Variants in DGKG observed in about 807,000 individuals in gnomAD.
The protein encoded by DGKG is diacylglycerol kinase gamma.
A neutral mutation model predicts 105.3 loss-of-function variants in DGKG; 78 were observed. The observed-to-expected ratio is 0.74, with a 90% CI of 0.62 to 0.89. The LOEUF (loss-of-function observed/expected upper bound fraction) is 0.89. Ranked by LOEUF, DGKG falls within the 40% of genes least tolerant of loss-of-function variation. The probability of loss-of-function intolerance (pLI) is 0.00; values close to 1 mark genes in which losing one functional copy is unlikely to be tolerated. For synonymous variants in DGKG, 346 were observed against 367.1 expected (o/e 0.94, Z 0.66); for missense variants, 958 against 1,020.1 (o/e 0.94, Z 0.83).
chr3:186,251,189 C>T (rs1430600648), intron 19 of DGKG, among the ~76,000 whole-genome samples: 3 of 152,158 alleles, frequency 2.0e-5, no homozygotes, highest in Non-Finnish European at 4.4e-5. Flanking sequence ...AGCATAAGGG[C>T]TGTGGGAGCA....
chr3:186,232,371 AAT>A (rs1175590032), intron 20 of DGKG, among the ~76,000 whole-genome samples: 1 of 152,246 alleles, frequency 6.6e-6, no homozygotes, highest in Non-Finnish European at 1.5e-5. Context: ...GCTGAAAGAA[AAT>A]ATGTTATAGC....
In DGKG at chr3:186,210,447, G is replaced by A. The variant is rs756042695; in HGVS notation, c.1917+1348C>T. Among the ~76,000 whole-genome samples the A allele has an allele frequency of 2.6e-4, 40 of 152,220 alleles. No homozygotes were observed. Among genetic ancestry groups the A allele is most frequent in the African/African-American group, 8.2e-4 (34 of 41,462 alleles). ...GCCACCTGGGGACACACAACCTGGC[G>A]CCTGGCCTCTCTGCCCTCTTACCAA... On this transcript the variant is annotated intron_variant, in intron 21 of 24. Coordinates refer to ENST00000265022, the MANE Select transcript of DGKG (RefSeq NM_001346.3). The surrounding 1 kb of genome is among the most constrained non-coding windows in gnomAD (Gnocchi z 5.2).
Position 186,252,061 on chromosome 3 carries a change from C to T in DGKG, c.1601-142G>A, listed in dbSNP as rs1354664117. The T allele has an allele frequency of 1.4e-5, 10 of 714,558 alleles. No individual in the cohort carries two copies. The South Asian group carries it at 1.6e-4, about 12-fold the overall frequency. 44.3% of individuals were successfully genotyped at this position (714,558 alleles called of 1,614,324 possible). A position where few individuals can be genotyped will look rare whatever the true frequency, so the allele number is the denominator to read the frequency against. On this transcript the variant is annotated intron_variant, in intron 18 of 24. Transcript: ENST00000265022. ...TGTGTCTGTGGGCTAGAGACACTTA[C>T]GTTCCCCGAGCCACAGAGAAGGGCA...
intron 13 of DGKG, among the ~76,000 whole-genome samples, chr3:186,267,124 A>G (rs977037583): frequency 3.9e-5 from 6 of 152,186 alleles, no homozygotes; most frequent in African/African-American, 1.4e-4. Flanking sequence ...ATCCAAGTGG[A>G]AACTCAGGAA....
At chr3:186,324,275 T>C (rs2108644456) in intron 1 of DGKG, among the ~76,000 whole-genome samples, 1 of 152,220 alleles carries the variant, frequency 6.6e-6, no homozygotes, top group African/African-American at 2.4e-5. Flanking sequence ...TTCTGAGCTA[T>C]TTCACCCTAG....
intron 1 of DGKG, among the ~76,000 whole-genome samples, chr3:186,353,429 G>A (rs1194549378): frequency 6.6e-6 from 1 of 151,820 alleles, no homozygotes; most frequent in Non-Finnish European, 1.5e-5. Context: ...TGAGGCAGGA[G>A]AATTCCTTGA....
At chr3:186,265,329 A>T (rs752647413) in intron 13 of DGKG, 23 bp from the exon 14 acceptor site, 1 of 1,613,276 alleles carries the variant, frequency 6.2e-7, no homozygotes. Flanking sequence ...AGGAAAGACA[A>T]GCATCTTTTG....
At position 186,148,736 on chromosome 3, in the gene DGKG, T is replaced by C; in HGVS notation, c.*1354A>G. On this transcript the variant is annotated 3_prime_UTR_variant, in exon 25 of 25. Coordinates refer to ENST00000265022, the MANE Select transcript of DGKG (RefSeq NM_001346.3). Reference sequence around the variant, plus strand: ...TAAATCCAGCCCAGCAGGTCTTTCATGCTTGTTTTGAGGATCCAGAATAGG... The same window carrying C: ...TAAATCCAGCCCAGCAGGTCTTTCACGCTTGTTTTGAGGATCCAGAATAGG... 1.0e-6 allele frequency: 1 copy of C among 985,386 alleles called. No individual in the cohort carries two copies. Among genetic ancestry groups the C allele is most frequent in the South Asian group, 4.7e-5 (1 of 21,280 alleles). The allele number at this position is 985,386 out of a possible 1,614,324, so 61.0% of individuals were successfully genotyped here.
chr3:186,191,886 G>A lies in DGKG; in HGVS notation c.1918-3507C>T, dbSNP rs969182668. 2.6e-5 allele frequency among the ~76,000 whole-genome samples: 4 copies of A among 152,182 alleles called. No individual in the cohort carries two copies. The South Asian group carries it at 8.3e-4, about 31-fold the overall frequency. On this transcript the variant is annotated intron_variant, in intron 21 of 24. Coordinates refer to ENST00000265022, the MANE Select transcript of DGKG (RefSeq NM_001346.3). ...CTGACTCCTTTTTCTTTTCTTTTCA[G>A]TGTGATTCATGACTTCTTAGAAACT...
intron 21 of DGKG, among the ~76,000 whole-genome samples, chr3:186,208,696 T>G (rs915970768): frequency 2.0e-5 from 3 of 152,254 alleles, no homozygotes; most frequent in Admixed American, 2.0e-4. Context: ...TATTCCTTCC[T>G]CAAATGAGAA....
chr3:186,352,087 C>T (rs966264797), intron 1 of DGKG, among the ~76,000 whole-genome samples: 2 of 152,162 alleles, frequency 1.3e-5, no homozygotes, highest in Non-Finnish European at 2.9e-5. Context: ...CCCCTCCCCA[C>T]TCCCCCCAGG....
At chr3:186,281,884 G>A (rs1286837179) in intron 7 of DGKG, among the ~76,000 whole-genome samples, 5 of 152,194 alleles carry the variant, frequency 3.3e-5, no homozygotes, top group African/African-American at 4.8e-5. Context: ...GGTCTTCCTG[G>A]TCAGGCCACA....
chr3:186,253,072 A>C, intron 18 of DGKG, 21 bp downstream of exon 18: 1 of 1,610,714 alleles, frequency 6.2e-7, no homozygotes, highest in Non-Finnish European at 8.5e-7. Context: ...CCAGGGTACC[A>C]CCATTAGCAT....
intron 12 of DGKG, 129 bp from the exon 13 acceptor site, chr3:186,267,906 G>T: frequency 1.3e-6 from 1 of 785,198 alleles, no homozygotes; most frequent in Non-Finnish European, 2.2e-6. Context: ...TGCTGGCTTT[G>T]ACAGTATTGC....
chr3:186,233,696 G>C (rs1162349906), intron 20 of DGKG, among the ~76,000 whole-genome samples: 5 of 152,158 alleles, frequency 3.3e-5, no homozygotes, highest in African/African-American at 1.2e-4. Context: ...TGTCAGCCAG[G>C]ATAGTCTCGA....
At chr3:186,292,828 C>G (rs6793825) in intron 5 of DGKG, among the ~76,000 whole-genome samples, 91,778 of 151,838 alleles carry the variant, frequency 0.6, 27,884 homozygotes, top group Non-Finnish European at 0.63. Context: ...AGAAGAAACT[C>G]GGTCCCAGAT....
chr3:186,216,739 C>G (rs547436513), intron 20 of DGKG, among the ~76,000 whole-genome samples: 1 of 152,276 alleles, frequency 6.6e-6, no homozygotes, highest in Non-Finnish European at 1.5e-5. Flanking sequence ...TACCAGAGAG[C>G]CTGAGTGCAA....
At chr3:186,159,443 G>A (rs1369260465) in intron 24 of DGKG, 1 of 152,090 alleles carries the variant, frequency 6.6e-6, no homozygotes, top group Non-Finnish European at 1.5e-5. Context: ...ATAATCTCAG[G>A]TTTGGGATAC....
intron 1 of DGKG, 77 bp from the exon 2 acceptor site, chr3:186,320,784 C>T (rs774626248): frequency 5.5e-5 from 14 of 256,586 alleles, no homozygotes; most frequent in African/African-American, 2.4e-4. Flanking sequence ...GCTGAAAGAT[C>T]TACAGGGGAC....
Sources: allele counts gnomAD v4.1 joint callset (sites outside exome capture counted in the v4.1 genomes callset), GRCh38; gene constraint gnomAD v4.1.1; non-coding constraint Gnocchi (gnomAD v3.1); transcripts MANE v1.5; gene names NCBI Gene and HGNC (gene_info 2026-07-23, HGNC 2026-07-21).